The following NHERF1 variants were observed in gnomAD, a reference collection of about 807,000 sequenced individuals.
NHERF1 encodes Na(+)/H(+) exchange regulatory cofactor NHE-RF1.
the NHERF1 span, chr17:74,761,985 G>A: frequency 4.3e-6 from 7 of 1,612,930 alleles, no homozygotes; most frequent in East Asian, 1.1e-4. The surrounding 1 kb of genome is among the most constrained non-coding windows in gnomAD (Gnocchi z 4.3). Flanking sequence ...CTGTGGAATA[G>A]CCATGGACCC....
chr17:74,768,468 C>T, the NHERF1 span: 1 of 1,614,074 alleles, frequency 6.2e-7, no homozygotes, highest in Non-Finnish European at 8.5e-7. Flanking sequence ...CTCTTTACAG[C>T]TGAATTCCCA....
chr17:74,763,229 G>A, the NHERF1 span: 12 of 717,766 alleles, frequency 1.7e-5, no homozygotes, highest in East Asian at 8.1e-5. Context: ...CAGAAATGGC[G>A]GGGGTCAGTA....
chr17:74,757,812 G>C, the NHERF1 span, among the ~76,000 whole-genome samples: 1 of 152,200 alleles, frequency 6.6e-6, no homozygotes, highest in Non-Finnish European at 1.5e-5. Context: ...CCATCCTCTT[G>C]TTGGGGCTGA....
At chr17:74,758,202 G>A in the NHERF1 span, among the ~76,000 whole-genome samples, 1 of 152,218 alleles carries the variant, frequency 6.6e-6, no homozygotes, top group South Asian at 2.1e-4. This position sits in a 1 kb window ranked among gnomAD's most constrained non-coding sequence, Gnocchi z 4.3. Context: ...GTGACTGCTG[G>A]TGGCGCCTAT....
At chr17:74,763,295 C>T in the NHERF1 span, 1 of 1,503,244 alleles carries the variant, frequency 6.7e-7, no homozygotes. Flanking sequence ...CCCCTGCCCC[C>T]AACCCCCCTC....
chr17:74,763,926 C>T, the NHERF1 span, among the ~76,000 whole-genome samples: 1 of 152,334 alleles, frequency 6.6e-6, no homozygotes, highest in African/African-American at 2.4e-5. Flanking sequence ...GATCAGAGTC[C>T]AGTGACGGGG....
chr17:74,756,354 C>T, the NHERF1 span, among the ~76,000 whole-genome samples: 1 of 141,942 alleles, frequency 7.0e-6, no homozygotes, highest in Non-Finnish European at 1.5e-5. Context: ...TCTCGGCTCA[C>T]TGCAACCTCC....
chr17:74,750,706 C>A, the NHERF1 span, among the ~76,000 whole-genome samples: 2 of 150,560 alleles, frequency 1.3e-5, no homozygotes, highest in Non-Finnish European at 1.5e-5. Flanking sequence ...CTGAGTCCAT[C>A]GATCGATTTG....
At chr17:74,765,528 G>A in the NHERF1 span, among the ~76,000 whole-genome samples, 4 of 149,066 alleles carry the variant, frequency 2.7e-5, no homozygotes, top group East Asian at 2.0e-4. Flanking sequence ...AAAGTACTGC[G>A]ATTACAAGTG....
At chr17:74,753,955 G>C in the NHERF1 span, among the ~76,000 whole-genome samples, 1 of 152,030 alleles carries the variant, frequency 6.6e-6, no homozygotes, top group African/African-American at 2.4e-5. Flanking sequence ...GTTGAGGTCA[G>C]GAGTTCAAGA....
the NHERF1 span, chr17:74,768,794 A>G: frequency 1.3e-6 from 1 of 743,040 alleles, no homozygotes; most frequent in East Asian, 2.7e-5. Context: ...ATTTTTCTAG[A>G]GAACTATGTT....
the NHERF1 span, chr17:74,767,895 C>T: frequency 3.3e-6 from 2 of 611,256 alleles, no homozygotes; most frequent in African/African-American, 3.6e-5. Context: ...AGCGGTTCAG[C>T]TAATCCCATG....
the NHERF1 span, chr17:74,749,307 C>G: frequency 2.0e-6 from 3 of 1,523,668 alleles, no homozygotes; most frequent in African/African-American, 4.2e-5. The surrounding 1 kb of genome is among the most constrained non-coding windows in gnomAD (Gnocchi z 5.6). Flanking sequence ...GCCCAAGCCG[C>G]GCAGGCTGGC....
At chr17:74,749,182 C>T in the NHERF1 span, 1 of 1,530,552 alleles carries the variant, frequency 6.5e-7, no homozygotes, top group Non-Finnish European at 8.8e-7. The surrounding 1 kb of genome is among the most constrained non-coding windows in gnomAD (Gnocchi z 5.6). Flanking sequence ...AGCTGCTGCG[C>T]GCCCAGGAAG....
At chr17:74,765,271 T>C in the NHERF1 span, among the ~76,000 whole-genome samples, 1 of 151,870 alleles carries the variant, frequency 6.6e-6, no homozygotes, top group Admixed American at 6.6e-5. Flanking sequence ...TTTCTTTTTC[T>C]TTTTTTTGAG....
the NHERF1 span, chr17:74,768,003 G>A: frequency 1.3e-6 from 1 of 768,380 alleles, no homozygotes; most frequent in African/African-American, 1.7e-5. Context: ...GCAGGCTCAG[G>A]AGGTGGGAAC....
chr17:74,758,371 C>T, the NHERF1 span, among the ~76,000 whole-genome samples: 11 of 152,272 alleles, frequency 7.2e-5, no homozygotes, highest in Non-Finnish European at 1.0e-4. This position sits in a 1 kb window ranked among gnomAD's most constrained non-coding sequence, Gnocchi z 4.3. Context: ...GGCAGCTCTC[C>T]GGGCAGGGTC....
the NHERF1 span, chr17:74,763,471 C>A: frequency 6.2e-7 from 1 of 1,612,028 alleles, no homozygotes; most frequent in Middle Eastern, 1.7e-4. Context: ...GGGAAACTGA[C>A]GAGTTCTTCA....
At chr17:74,752,503 T>C in the NHERF1 span, among the ~76,000 whole-genome samples, 2 of 151,300 alleles carry the variant, frequency 1.3e-5, no homozygotes, top group African/African-American at 4.9e-5. Context: ...TTTGTTTTTG[T>C]TTTTGTTTTT....
Sources: allele counts gnomAD v4.1 joint callset (sites outside exome capture counted in the v4.1 genomes callset), GRCh38; gene constraint gnomAD v4.1.1; non-coding constraint Gnocchi (gnomAD v3.1); transcripts MANE v1.5; gene names NCBI Gene and HGNC (gene_info 2026-07-23, HGNC 2026-07-21).